HACE1: variants seen among roughly 807,000 people sequenced by gnomAD.
HACE1 encodes E3 ubiquitin-protein ligase HACE1.
HACE1 carries 73 observed loss-of-function variants against 118.4 expected under a neutral mutation model. The ratio of observed to expected loss-of-function variants is 0.62; its 90% CI spans 0.51 to 0.75. The LOEUF is 0.75. HACE1 is among the 30% of genes least tolerant of loss of function. The pLI is 0.00. For synonymous variants in HACE1, 368 were observed against 374.8 expected (o/e 0.98, Z 0.21); for missense variants, 749 against 1,102.2 (o/e 0.68, Z 4.54).
In HACE1 at chr6:104,786,618, A is replaced by C. The variant is rs1385660822; in HGVS notation, c.1075-1299T>G. The C allele has an allele frequency of 1.6e-4, 24 of 149,214 alleles. No homozygotes were observed. In the East Asian group the frequency reaches 4.0e-3, roughly 25 times the overall value. 9.2% of individuals were successfully genotyped at this position (149,214 alleles called of 1,614,324 possible). On this transcript the variant is annotated intron_variant, in intron 11 of 23. Transcript: ENST00000262903. Reference sequence around the variant, plus strand: ...GATACTGTCTCCAAAAAAAAAAAAAAAACAAACAAACAAACAAAAAAAAAA... The same window carrying C: ...GATACTGTCTCCAAAAAAAAAAAAACAACAAACAAACAAACAAAAAAAAAA...
intron 5 of HACE1, among the ~76,000 whole-genome samples, chr6:104,833,859 C>A (rs1774256276): frequency 6.6e-6 from 1 of 152,108 alleles, no homozygotes. Context: ...GTGGTGCGTG[C>A]CTGTAATCCC....
chr6:104,816,191 A>C lies in HACE1; in HGVS notation c.535-4798T>G, dbSNP rs370146577. 1.3e-4 allele frequency among the ~76,000 whole-genome samples: 20 copies of C among 152,378 alleles called. 1 individual carries two copies. The East Asian group carries it at 3.9e-3, about 29-fold the overall frequency. ...ATTCAAGCCAGCTGCAGAAGTGTAC[A>C]TAAGTAACAAGGAGCTGAATGTTAA... On this transcript the variant is annotated intron_variant, in intron 6 of 23. Coordinates refer to ENST00000262903, the MANE Select transcript of HACE1 (RefSeq NM_020771.4).
In HACE1 at chr6:104,742,607, A is replaced by ATGGTG. The variant is rs1346357507; in HGVS notation, c.2513+1552_2513+1553insCACCA. Among the ~76,000 whole-genome samples the ATGGTG allele has an allele frequency of 2.6e-5, 4 of 151,586 alleles. No individual in the cohort carries two copies. The East Asian group carries it at 7.8e-4, about 29-fold the overall frequency. On this transcript the variant is annotated intron_variant, in intron 22 of 23. Coordinates refer to ENST00000262903, the MANE Select transcript of HACE1 (RefSeq NM_020771.4). ...CAGAGAAATGCAAATCAAAACCACA[A>ATGGTG]TGAGATACCGTCTCACACCAGTTAG...
chr6:104,799,227 T>G (rs897565671), intron 7 of HACE1, among the ~76,000 whole-genome samples: 1 of 152,204 alleles, frequency 6.6e-6, no homozygotes, highest in Non-Finnish European at 1.5e-5. Context: ...CCTGAGACTG[T>G]CACTATACTT....
intron 21 of HACE1, 49 bp from the exon 22 acceptor site, chr6:104,744,279 A>G (rs1307436859): frequency 1.8e-6 from 2 of 1,086,794 alleles, no homozygotes; most frequent in East Asian, 4.7e-5. Context: ...GCAATTGTAG[A>G]CTTCTCAATA....
At position 104,749,276 on chromosome 6, in the gene HACE1, A is replaced by C. The variant is rs1777776682; in HGVS notation, c.2343+1065T>G. ...CCTCCATTTTTAAATGCTGAAAATC[A>C]CTTCTATTGTTACATAAAAACTAGA... On this transcript the variant is annotated intron_variant, in intron 20 of 23. Transcript: ENST00000262903. Among the ~76,000 whole-genome samples, 3 of 152,254 alleles carry C rather than the reference A, an allele frequency of 2.0e-5. No homozygotes were observed. The South Asian group carries it at 6.2e-4, about 32-fold the overall frequency.
chr6:104,739,564 C>T (rs1393202835), intron 22 of HACE1, among the ~76,000 whole-genome samples: 1 of 151,890 alleles, frequency 6.6e-6, no homozygotes, highest in African/African-American at 2.4e-5. Context: ...TCAAAAGAGA[C>T]AAAGAAGGCC....
intron 19 of HACE1, among the ~76,000 whole-genome samples, chr6:104,761,231 G>A (rs904838010): frequency 2.0e-5 from 3 of 152,192 alleles, no homozygotes; most frequent in African/African-American, 4.8e-5. Context: ...AAAAGAGCCC[G>A]CATAGCCATG....
At chr6:104,761,125 A>G (rs1779311311) in intron 19 of HACE1, among the ~76,000 whole-genome samples, 1 of 152,206 alleles carries the variant, frequency 6.6e-6, no homozygotes, top group Non-Finnish European at 1.5e-5. Context: ...CTTACTGCCC[A>G]AAGTCATTTA....
intron 22 of HACE1, among the ~76,000 whole-genome samples, chr6:104,735,272 A>G (rs1775689562): frequency 6.6e-6 from 1 of 152,250 alleles, no homozygotes; most frequent in Admixed American, 6.5e-5. Context: ...ATTGTGGAAT[A>G]CCAAATAATA....
At chr6:104,795,543 C>T in intron 10 of HACE1, 36 bp downstream of exon 10, 6 of 1,148,652 alleles carry the variant, frequency 5.2e-6, no homozygotes, top group Non-Finnish European at 6.6e-6. Context: ...ACAGACACTG[C>T]TACCTATTGA....
chr6:104,774,081 T>A (rs1338002777), intron 17 of HACE1, among the ~76,000 whole-genome samples: 2 of 26,912 alleles, frequency 7.4e-5, no homozygotes, highest in Admixed American at 7.0e-4. Context: ...ATCTTTTCTC[T>A]TTTTTTTTTT....
chr6:104,840,248 G>C (rs1235989386), intron 5 of HACE1, among the ~76,000 whole-genome samples: 1 of 152,120 alleles, frequency 6.6e-6, no homozygotes, highest in Non-Finnish European at 1.5e-5. Context: ...TGTTATGCAA[G>C]AAAGGAAAGC....
chr6:104,738,935 T>C (rs1776274473), intron 22 of HACE1, among the ~76,000 whole-genome samples: 1 of 150,260 alleles, frequency 6.7e-6, no homozygotes, highest in African/African-American at 2.5e-5. Flanking sequence ...CGGGTTACCC[T>C]CAAAGGGAAG....
chr6:104,746,047 T>A (rs1003631937), intron 20 of HACE1, among the ~76,000 whole-genome samples: 1 of 152,212 alleles, frequency 6.6e-6, no homozygotes, highest in African/African-American at 2.4e-5. Context: ...TAAAGAAATT[T>A]GCAAAACTGT....
chr6:104,790,450 T>C (rs992721941), intron 11 of HACE1, among the ~76,000 whole-genome samples: 5 of 152,162 alleles, frequency 3.3e-5, no homozygotes, highest in Admixed American at 3.3e-4. Flanking sequence ...ACTCAAACCA[T>C]TGTTTAAAGA....
At chr6:104,790,643 A>G (rs2114833997) in intron 11 of HACE1, among the ~76,000 whole-genome samples, 1 of 152,278 alleles carries the variant, frequency 6.6e-6, no homozygotes, top group East Asian at 1.9e-4. Context: ...AGTCCCAGCT[A>G]CTGGGGAGGT....
At chr6:104,801,105 G>A (rs1332137501) in intron 7 of HACE1, among the ~76,000 whole-genome samples, 2 of 152,146 alleles carry the variant, frequency 1.3e-5, no homozygotes, top group African/African-American at 4.8e-5. Context: ...TCAAGTGGAA[G>A]AAAGGATATC....
intron 5 of HACE1, among the ~76,000 whole-genome samples, chr6:104,833,723 A>C (rs1562476101): frequency 6.6e-6 from 1 of 152,152 alleles, no homozygotes; most frequent in Admixed American, 6.5e-5. Flanking sequence ...ACGGTAGCTC[A>C]AGCCTCTAAT....
Sources: allele counts gnomAD v4.1 joint callset (sites outside exome capture counted in the v4.1 genomes callset), GRCh38; gene constraint gnomAD v4.1.1; transcripts MANE v1.5; gene names NCBI Gene and HGNC (gene_info 2026-07-23, HGNC 2026-07-21).